The following DHX8 variants were observed in gnomAD, a reference collection of about 807,000 sequenced individuals.
DHX8 encodes the protein DEAH-box helicase 8, also known as ATP-dependent RNA helicase DHX8.
A neutral mutation model predicts 140.7 loss-of-function variants in DHX8; 67 were observed. That is an observed-to-expected ratio of 0.48 (90% CI 0.39 to 0.58). The LOEUF (loss-of-function observed/expected upper bound fraction) is 0.58. DHX8 is among the 20% of genes least tolerant of loss of function. DHX8 has a pLI of 0.00. For missense variants in DHX8, 887 were observed against 1,550.7 expected (o/e 0.57, Z 7.19); for synonymous variants, 533 against 553.2 (o/e 0.96, Z 0.51).
Position 43,523,921 on chromosome 17 carries a change from G to C in DHX8, c.*74G>C, listed in dbSNP as rs990368322. The C allele has an allele frequency of 1.3e-6, 2 of 1,588,254 alleles. No individual in the cohort carries two copies. The highest frequency in any genetic ancestry group is 2.3e-5 in the South Asian group (2 of 87,710). On this transcript the variant is annotated 3_prime_UTR_variant, in exon 23 of 23. Coordinates refer to ENST00000262415, the MANE Select transcript of DHX8 (RefSeq NM_004941.3). The stretch of plus-strand genomic sequence containing the variant: ...GACTTATCGATGACAGGCTGGTCCT[G>C]AGGATACAGCTGTCCCGTGACTGAC...
At chr17:43,534,816 CT>C (rs1971149271) in intron 2 of DHX8, among the ~76,000 whole-genome samples, 1 of 152,066 alleles carries the variant, frequency 6.6e-6, no homozygotes, top group Admixed American at 6.5e-5. Flanking sequence ...TGGCACATCC[CT>C]TTAATCCCAG....
At chr17:43,489,332 TG>T in intron 1 of DHX8, 116 bp from the exon 2 acceptor site, 1 of 688,636 alleles carries the variant, frequency 1.5e-6, no homozygotes, top group Non-Finnish European at 2.5e-6. Flanking sequence ...CCTTACCAGA[TG>T]GTGGTCTTTG....
chr17:43,530,439 T>C (rs1049369196), downstream of DHX8: 11 of 1,381,616 alleles, frequency 8.0e-6, no homozygotes, highest in African/African-American at 2.9e-5. Context: ...GGCAAGCTGT[T>C]CTGAAGGGCC....
At chr17:43,515,752 G>A (rs751734589) in intron 17 of DHX8, among the ~76,000 whole-genome samples, 26 of 152,116 alleles carry the variant, frequency 1.7e-4, no homozygotes, top group Non-Finnish European at 3.4e-4. Flanking sequence ...GTCCTGATTT[G>A]GAGAGAGACA....
chr17:43,493,613 C>T (rs534370986), intron 7 of DHX8, 24 bp downstream of exon 7: 1 of 1,614,118 alleles, frequency 6.2e-7, no homozygotes, highest in South Asian at 1.1e-5. Flanking sequence ...TCAGCCTGTT[C>T]TTACATGTGA....
chr17:43,507,349 A>T, intron 13 of DHX8, 152 bp downstream of exon 13: 1 of 1,109,826 alleles, frequency 9.0e-7, no homozygotes, highest in Non-Finnish European at 1.3e-6. Context: ...TGTTCAGAGT[A>T]TAGTCTAAGA....
chr17:43,485,057 C>G (rs1273118347), intron 1 of DHX8, among the ~76,000 whole-genome samples: 3 of 152,094 alleles, frequency 2.0e-5, no homozygotes, highest in Non-Finnish European at 2.9e-5. Context: ...ACAGATGGAG[C>G]CTTTATGAAG....
intron 4 of DHX8, 77 bp from the exon 5 acceptor site, chr17:43,492,106 T>G: frequency 1.0e-6 from 1 of 966,520 alleles, no homozygotes; most frequent in Non-Finnish European, 1.7e-6. Context: ...TGATTAGTGA[T>G]TTATAGATGT....
chr17:43,490,530 C>T (rs751115038), intron 3 of DHX8, 67 bp downstream of exon 3: 6 of 1,323,014 alleles, frequency 4.5e-6, no homozygotes, highest in Non-Finnish European at 3.2e-6. Context: ...CTGTAAATTG[C>T]ATTTGTTTTC....
downstream of DHX8, among the ~76,000 whole-genome samples, chr17:43,531,410 AAAG>A (rs1970929845): frequency 1.3e-5 from 2 of 152,216 alleles, no homozygotes; most frequent in South Asian, 2.1e-4. Context: ...ACTAGAATTT[AAAG>A]AAGTCCCTAC....
At chr17:43,500,390 G>A (rs879558100) in intron 11 of DHX8, among the ~76,000 whole-genome samples, 2 of 152,120 alleles carry the variant, frequency 1.3e-5, no homozygotes, top group Non-Finnish European at 2.9e-5. Context: ...GGGAGGCTGA[G>A]GCAGGAGAAT....
In DHX8 at chr17:43,523,773, C is replaced by T. The variant is rs754221127; in HGVS notation, c.3589C>T (p.Arg1197Cys). 2 of 1,614,196 alleles carry T rather than the reference C, an allele frequency of 1.2e-6. No homozygotes were observed. The highest frequency in any genetic ancestry group is 1.7e-6 in the Non-Finnish European group (2 of 1,180,042). ...TKLSKQKKQQ[R>C]LEPLYNRYEE... ...GCTAAGCAAACAGAAGAAGCAACAGCGTCTTGAACCCTTGTACAACCGCTA... is the reference window on the plus strand; with the variant it reads ...GCTAAGCAAACAGAAGAAGCAACAGTGTCTTGAACCCTTGTACAACCGCTA... The change falls in exon 23 of 23, where the codon CGT becomes TGT. Residue 1197 changes from arginine (R) to cysteine (C), a missense_variant. Coordinates refer to ENST00000262415, the MANE Select transcript of DHX8 (RefSeq NM_004941.3).
downstream of DHX8, chr17:43,529,932 G>A: frequency 6.2e-7 from 1 of 1,614,212 alleles, no homozygotes; most frequent in Non-Finnish European, 8.5e-7. Flanking sequence ...AATGGTCGCA[G>A]AGGTTTCTCA....
Position 43,523,775 on chromosome 17 carries a change from T to C in DHX8, c.3591T>C (p.Arg1197=), listed in dbSNP as rs1970504005. The part of the protein sequence containing the change: ...TKLSKQKKQQ[R]LEPLYNRYEE... ...TAAGCAAACAGAAGAAGCAACAGCG[T>C]CTTGAACCCTTGTACAACCGCTATG... Residue 1197 remains arginine, a synonymous_variant, in exon 23 of 23, where the codon CGT becomes CGC. Coordinates refer to ENST00000262415, the MANE Select transcript of DHX8 (RefSeq NM_004941.3). 6.2e-7 allele frequency: 1 copy of C among 1,614,178 alleles called. No individual in the cohort carries two copies. Among genetic ancestry groups the C allele is most frequent in the Middle Eastern group, 1.6e-4 (1 of 6,062 alleles).
At chr17:43,503,568 C>T (rs1352289151) in intron 11 of DHX8, among the ~76,000 whole-genome samples, 6 of 151,446 alleles carry the variant, frequency 4.0e-5, no homozygotes, top group Non-Finnish European at 8.8e-5. Context: ...AGGAGGCTAA[C>T]GTGGGAGGAT....
chr17:43,497,302 A>G (rs1234050126), intron 9 of DHX8, among the ~76,000 whole-genome samples: 1 of 151,728 alleles, frequency 6.6e-6, no homozygotes, highest in East Asian at 1.9e-4. Context: ...GAGTGTTTAT[A>G]TATAAATTGT....
intron 3 of DHX8, among the ~76,000 whole-genome samples, chr17:43,540,979 G>A (rs955333241): frequency 4.6e-5 from 7 of 152,092 alleles, no homozygotes; most frequent in East Asian, 1.9e-4. Context: ...TCTTGCTGGC[G>A]TCACTGGTGC....
chr17:43,530,168 G>C (rs529970715), downstream of DHX8: 1 of 1,556,418 alleles, frequency 6.4e-7, no homozygotes, highest in East Asian at 2.4e-5. Flanking sequence ...ACATTGATGC[G>C]CACCCGGTGA....
chr17:43,508,776 C>T (rs969810796), intron 16 of DHX8, among the ~76,000 whole-genome samples: 10 of 152,054 alleles, frequency 6.6e-5, no homozygotes, highest in Admixed American at 4.6e-4. Flanking sequence ...CCTGCCACCA[C>T]GCCTGGCTAA....
Sources: allele counts gnomAD v4.1 joint callset (sites outside exome capture counted in the v4.1 genomes callset), GRCh38; gene constraint gnomAD v4.1.1; transcripts MANE v1.5; gene names NCBI Gene and HGNC (gene_info 2026-07-23, HGNC 2026-07-21).